The following SLAMF6 variants were observed in gnomAD, a reference collection of about 807,000 sequenced individuals.
SLAMF6 encodes NK-T-B-antigen.
SLAMF6 carries 21 observed loss-of-function variants against 38.3 expected under a neutral mutation model. The ratio of observed to expected loss-of-function variants is 0.55; its 90% CI spans 0.39 to 0.79. The LOEUF (loss-of-function observed/expected upper bound fraction) is 0.79. SLAMF6 is among the 30% of genes least tolerant of loss of function. The pLI is 0.00. For synonymous variants in SLAMF6, 152 were observed against 146.3 expected, an observed-to-expected ratio of 1.04 and a Z score of -0.28; for missense variants, 341 against 385.3, an observed-to-expected ratio of 0.89 and a Z score of 0.96.
chr1:160,515,468 A>G lies in SLAMF6; in HGVS notation c.49+7676T>C, dbSNP rs572447654. The stretch of plus-strand genomic sequence containing the variant: ...CACCATTTCTTCTGAAACTATTCCA[A>G]ACAATTGAAAAGGAGGGACCCTTCC... On this transcript the variant is annotated intron_variant, in intron 1 of 7. Coordinates refer to ENST00000368057, the MANE Select transcript of SLAMF6 (RefSeq NM_001184714.2). Among the ~76,000 whole-genome samples the G allele has an allele frequency of 3.9e-5, 6 of 152,330 alleles. No individual in the cohort carries two copies. In the East Asian group the frequency reaches 1.2e-3, roughly 29 times the overall value.
intron 1 of SLAMF6, among the ~76,000 whole-genome samples, chr1:160,509,817 G>A (rs1042849447): frequency 6.6e-6 from 1 of 152,104 alleles, no homozygotes; most frequent in Non-Finnish European, 1.5e-5. Flanking sequence ...CCAAAAGTTG[G>A]TTCTTTGAAA....
intron 1 of SLAMF6, among the ~76,000 whole-genome samples, chr1:160,514,531 T>C (rs4268352): frequency 0.85 from 129,758 of 152,166 alleles, 55,989 homozygotes; most frequent in Non-Finnish European, 0.93. Context: ...AAACTCTCCA[T>C]CCTACAACAA....
At chr1:160,490,427 G>A (rs1653223193) in intron 4 of SLAMF6, 148 bp downstream of exon 4, 1 of 1,284,866 alleles carries the variant, frequency 7.8e-7, no homozygotes. Context: ...TCACACCCAG[G>A]GATTATCTCA....
chr1:160,486,712 C>T lies in SLAMF6; in HGVS notation c.994G>A (p.Val332Met), dbSNP rs151001421. The T allele has an allele frequency of 5.2e-5, 84 of 1,613,602 alleles. No homozygotes were observed. In the Middle Eastern group the frequency reaches 6.6e-4, roughly 13 times the overall value. ...CTCTGAGGCCTTTCAGCAACTTACA[C>T]GACATTGTCAAGGGCAGTTGCCCTG... Reference protein sequence around the residue: ...FSRATALDNVV With the variant: ...FSRATALDNVM Residue 332 changes from valine to methionine, a missense_variant, in exon 8 of 8, where the codon GTG becomes ATG. Coordinates refer to ENST00000368057, the MANE Select transcript of SLAMF6 (RefSeq NM_001184714.2).
intron 1 of SLAMF6, among the ~76,000 whole-genome samples, chr1:160,509,491 C>G (rs189229776): frequency 1.3e-5 from 2 of 150,472 alleles, no homozygotes; most frequent in Non-Finnish European, 3.0e-5. Context: ...ACATCACACA[C>G]TGGGGCCTGT....
chr1:160,485,556 T>G lies in SLAMF6; in HGVS notation c.*1151A>C. ...GGCTACATAGAGAGTGTCAGAAGGGTAATGCTAGCTGAGGCTGGAGGTGGG... is the reference window on the plus strand; with the variant it reads ...GGCTACATAGAGAGTGTCAGAAGGGGAATGCTAGCTGAGGCTGGAGGTGGG... On this transcript the variant is annotated 3_prime_UTR_variant, in exon 8 of 8. Coordinates refer to ENST00000368057, the MANE Select transcript of SLAMF6 (RefSeq NM_001184714.2). 6.6e-6 allele frequency: 1 copy of G among 152,144 alleles called. No individual in the cohort carries two copies. The highest frequency in any genetic ancestry group is 1.9e-4 in the East Asian group (1 of 5,200). 9.4% of individuals were successfully genotyped at this position (152,144 alleles called of 1,614,324 possible).
intron 1 of SLAMF6, among the ~76,000 whole-genome samples, chr1:160,507,897 G>A (rs1039515835): frequency 6.6e-6 from 1 of 151,910 alleles, no homozygotes; most frequent in Non-Finnish European, 1.5e-5. Context: ...GTGCTCAGAG[G>A]GATATTTTTA....
intron 2 of SLAMF6, among the ~76,000 whole-genome samples, chr1:160,493,505 C>T (rs1345727144): frequency 2.0e-5 from 3 of 152,180 alleles, no homozygotes; most frequent in Admixed American, 6.5e-5. Flanking sequence ...CCTTCCTCTA[C>T]TTCCCTTCCA....
At chr1:160,490,358 A>T in intron 4 of SLAMF6, 122 bp from the exon 5 acceptor site, 1 of 1,487,218 alleles carries the variant, frequency 6.7e-7, no homozygotes, top group South Asian at 1.2e-5. Flanking sequence ...AGCAGCCCTG[A>T]GACAGGGTCC....
chr1:160,503,599 G>T (rs1329562780), intron 1 of SLAMF6, among the ~76,000 whole-genome samples: 4 of 152,090 alleles, frequency 2.6e-5, no homozygotes, highest in Non-Finnish European at 5.9e-5. Flanking sequence ...TGACTACTTT[G>T]TTGAAATTGC....
chr1:160,509,815 T>C (rs78043762), intron 1 of SLAMF6, among the ~76,000 whole-genome samples: 2,295 of 152,240 alleles, frequency 0.015, 68 homozygotes, highest in African/African-American at 0.052. Flanking sequence ...AACCAAAAGT[T>C]GGTTCTTTGA....
chr1:160,492,042 C>A (rs551126698), intron 2 of SLAMF6, among the ~76,000 whole-genome samples: 1 of 152,216 alleles, frequency 6.6e-6, no homozygotes, highest in East Asian at 1.9e-4. Context: ...AGCAAGCAAG[C>A]AATTCTGGGG....
chr1:160,499,740 C>G (rs1653783805), intron 1 of SLAMF6, among the ~76,000 whole-genome samples: 1 of 152,086 alleles, frequency 6.6e-6, no homozygotes, highest in Admixed American at 6.5e-5. Context: ...ATAGGAGGAG[C>G]TGAATAGGGA....
At chr1:160,521,469 G>A (rs1281459585) in intron 1 of SLAMF6, among the ~76,000 whole-genome samples, 1 of 152,118 alleles carries the variant, frequency 6.6e-6, no homozygotes, top group Non-Finnish European at 1.5e-5. Context: ...TCTAGAGGTG[G>A]AAATAATTTT....
At chr1:160,496,521 G>A in intron 1 of SLAMF6, 128 bp from the exon 2 acceptor site, 3 of 835,254 alleles carry the variant, frequency 3.6e-6, no homozygotes, top group Non-Finnish European at 5.6e-6. Flanking sequence ...ATATGACAGA[G>A]TAGGAAAGGG....
intron 1 of SLAMF6, among the ~76,000 whole-genome samples, chr1:160,513,217 A>G (rs540131496): frequency 6.6e-6 from 1 of 152,290 alleles, no homozygotes; most frequent in South Asian, 2.1e-4. Flanking sequence ...TCACAATGCA[A>G]TCATAAGTAT....
chr1:160,492,943 T>A (rs1653381026), intron 2 of SLAMF6, among the ~76,000 whole-genome samples: 1 of 152,202 alleles, frequency 6.6e-6, no homozygotes, highest in Non-Finnish European at 1.5e-5. Context: ...TTGTTTGGAC[T>A]ATTGCAATGG....
intron 6 of SLAMF6, 21 bp from the exon 7 acceptor site, chr1:160,487,196 A>G: frequency 6.2e-7 from 1 of 1,609,870 alleles, no homozygotes; most frequent in Non-Finnish European, 8.5e-7. Flanking sequence ...AATCATACCA[A>G]TTTGGCTTAC....
At chr1:160,503,345 G>A (rs774752441) in intron 1 of SLAMF6, among the ~76,000 whole-genome samples, 12 of 152,126 alleles carry the variant, frequency 7.9e-5, no homozygotes, top group Middle Eastern at 3.4e-3. Flanking sequence ...TGGTTGACAC[G>A]CACCATTCAT....
Sources: allele counts gnomAD v4.1 joint callset (sites outside exome capture counted in the v4.1 genomes callset), GRCh38; gene constraint gnomAD v4.1.1; transcripts MANE v1.5; gene names NCBI Gene and HGNC (gene_info 2026-07-23, HGNC 2026-07-21).